The following PHACTR3 variants were observed in gnomAD, a reference collection of about 807,000 sequenced individuals.
PHACTR3 encodes protein phosphatase 1, regulatory subunit 123.
A neutral mutation model predicts 66.8 loss-of-function variants in PHACTR3; 16 were observed. That is an observed-to-expected ratio of 0.24 (90% CI 0.16 to 0.36). The LOEUF is 0.36. PHACTR3 is among the 10% of genes least tolerant of loss of function. The pLI, the probability that PHACTR3 is intolerant of heterozygous loss-of-function variation, is 1.00. For missense variants in PHACTR3, 647 were observed against 719.9 expected (o/e 0.90, Z 1.16); for synonymous variants, 323 against 292.1 (o/e 1.11, Z -1.08).
chr20:59,604,474 C>A, upstream of PHACTR3: 2 of 357,556 alleles, frequency 5.6e-6, no homozygotes, highest in Non-Finnish European at 7.8e-6. Context: ...TGACGTCATG[C>A]TCCTCTCGCG....
At chr20:59,580,273 C>T (rs536291426) in intron 1 of PHACTR3, among the ~76,000 whole-genome samples, 3 of 152,182 alleles carry the variant, frequency 2.0e-5, no homozygotes, top group Admixed American at 6.5e-5. Flanking sequence ...GCTGTGTGCC[C>T]ACAACTCTTT....
intron 11 of PHACTR3, chr20:59,844,160 T>C (rs1160639090): frequency 6.6e-6 from 1 of 151,676 alleles, no homozygotes; most frequent in Admixed American, 6.6e-5. Context: ...ATTAAAAAAA[T>C]AAAAACATGC....
chr20:59,799,103 T>G (rs2041339866), intron 7 of PHACTR3, among the ~76,000 whole-genome samples: 1 of 152,138 alleles, frequency 6.6e-6, no homozygotes, highest in Non-Finnish European at 1.5e-5. Flanking sequence ...GGTATTTTTT[T>G]TTGTTATTGA....
chr20:59,579,339 C>T (rs2032800192), intron 1 of PHACTR3, among the ~76,000 whole-genome samples: 1 of 152,204 alleles, frequency 6.6e-6, no homozygotes, highest in Non-Finnish European at 1.5e-5. Flanking sequence ...CCACTTTCCC[C>T]AAGGAGAAAG....
At chr20:59,822,392 G>T (rs1402026076) in intron 8 of PHACTR3, among the ~76,000 whole-genome samples, 2 of 149,910 alleles carry the variant, frequency 1.3e-5, no homozygotes, top group Non-Finnish European at 3.0e-5. Flanking sequence ...AGATGCGGGG[G>T]CTGCCTTCCG....
intron 7 of PHACTR3, among the ~76,000 whole-genome samples, chr20:59,801,712 GAT>G (rs2041418620): frequency 6.6e-6 from 1 of 152,206 alleles, no homozygotes; most frequent in Non-Finnish European, 1.5e-5. Flanking sequence ...CCTCGCTGTA[GAT>G]AAACTCATCA....
chr20:59,776,250 G>C (rs1334183343), intron 7 of PHACTR3, among the ~76,000 whole-genome samples: 1 of 90,742 alleles, frequency 1.1e-5, no homozygotes, highest in Non-Finnish European at 3.0e-5. Context: ...CCTCACAGGA[G>C]CCCCATGAGG....
intron 1 of PHACTR3, among the ~76,000 whole-genome samples, chr20:59,728,464 A>G (rs1319975193): frequency 6.6e-6 from 1 of 152,152 alleles, no homozygotes. Flanking sequence ...CGAATGTCCA[A>G]TAGCAGCACT....
chr20:59,745,102 T>C (rs995531932), intron 2 of PHACTR3, among the ~76,000 whole-genome samples: 15 of 152,094 alleles, frequency 9.9e-5, no homozygotes, highest in Admixed American at 3.9e-4. Context: ...GGCCCAGTGG[T>C]CCGAGAAGAC....
rs147264626 is a variant in PHACTR3, at chr20:59,704,479, C to T, written c.119-38628C>T. On this transcript the variant is annotated intron_variant, in intron 1 of 12. Coordinates refer to ENST00000371015, the MANE Select transcript of PHACTR3 (RefSeq NM_080672.5). ...GGTTCCTTTTCTTTCCACTTCAGCT[C>T]ATGGGAAATGCATTTGAATGTGAGG... Among the ~76,000 whole-genome samples the T allele has an allele frequency of 4.4e-3, 662 of 150,950 alleles. 5 individuals are homozygous for T. Among genetic ancestry groups the T allele is most frequent in the Non-Finnish European group, 5.6e-3 (382 of 67,846 alleles).
At chr20:59,639,693 A>G (rs973221161) in intron 1 of PHACTR3, among the ~76,000 whole-genome samples, 3 of 152,016 alleles carry the variant, frequency 2.0e-5, no homozygotes, top group Admixed American at 2.0e-4. Context: ...TCCCATCCTG[A>G]TGCCAACCTT....
At chr20:59,810,402 G>C (rs867825354) in intron 8 of PHACTR3, among the ~76,000 whole-genome samples, 4 of 152,346 alleles carry the variant, frequency 2.6e-5, no homozygotes, top group Middle Eastern at 3.4e-3. Context: ...ATTAGACACA[G>C]AGAAAACAGC....
At chr20:59,701,574 G>A (rs2037506805) in intron 1 of PHACTR3, among the ~76,000 whole-genome samples, 1 of 152,134 alleles carries the variant, frequency 6.6e-6, no homozygotes, top group Non-Finnish European at 1.5e-5. Context: ...TTAAAAAATA[G>A]ATTTTATTTT....
chr20:59,577,573 T>C, exon 1 of PHACTR3: 1 of 1,204,964 alleles, frequency 8.3e-7, no homozygotes, highest in Non-Finnish European at 1.0e-6. Context: ...CTGGGCGCCT[T>C]CGGGGCCCGG....
At chr20:59,705,322 G>A (rs1406035004) in intron 1 of PHACTR3, among the ~76,000 whole-genome samples, 2 of 152,104 alleles carry the variant, frequency 1.3e-5, no homozygotes, top group African/African-American at 4.8e-5. Flanking sequence ...TTCCCAGGGA[G>A]CACAACAATT....
chr20:59,638,702 A>G (rs1338129447), intron 1 of PHACTR3, among the ~76,000 whole-genome samples: 210 of 72,328 alleles, frequency 2.9e-3, no homozygotes, highest in South Asian at 3.6e-3. Context: ...AGGTGGGTGG[A>G]GGGATGGGTG....
intron 1 of PHACTR3, among the ~76,000 whole-genome samples, chr20:59,729,217 C>T (rs913824090): frequency 4.6e-5 from 7 of 151,996 alleles, no homozygotes; most frequent in Admixed American, 6.5e-5. Context: ...AACCTGGGAG[C>T]GATGAGGGAG....
At chr20:59,762,390 G>C (rs1318274581) in intron 4 of PHACTR3, among the ~76,000 whole-genome samples, 1 of 152,256 alleles carries the variant, frequency 6.6e-6, no homozygotes, top group Non-Finnish European at 1.5e-5. Flanking sequence ...CCCCTGTCCA[G>C]TGCAGTAGCC....
In PHACTR3 at chr20:59,836,553, C is replaced by T. The variant is rs1040251670; in HGVS notation, c.1377C>T (p.Ile459=). 1 of 1,610,922 alleles carries T rather than the reference C, an allele frequency of 6.2e-7. No homozygotes were observed. The highest frequency in any genetic ancestry group is 8.5e-7 in the Non-Finnish European group (1 of 1,178,922). ...PAVEELERRN[I]LKQRNDQTEQ... Reference sequence around the variant, plus strand: ...TGGAAGAGCTGGAGAGAAGAAATATCTTGAAACGTGAGTAGCTGGTGATTC... The same window carrying T: ...TGGAAGAGCTGGAGAGAAGAAATATTTTGAAACGTGAGTAGCTGGTGATTC... The change falls in exon 9 of 13, where the codon ATC becomes ATT. Residue 459 remains isoleucine (I), a synonymous_variant. Transcript: ENST00000371015.
Sources: allele counts gnomAD v4.1 joint callset (sites outside exome capture counted in the v4.1 genomes callset), GRCh38; gene constraint gnomAD v4.1.1; transcripts MANE v1.5; gene names NCBI Gene and HGNC (gene_info 2026-07-23, HGNC 2026-07-21).